The following RNF216 variants were observed in gnomAD, a reference collection of about 807,000 sequenced individuals.
RNF216 encodes the protein E3 ubiquitin-protein ligase RNF216.
Under a neutral mutation model 110.8 loss-of-function variants are expected in RNF216, and 72 were observed. The ratio of observed to expected loss-of-function variants is 0.65; its 90% CI spans 0.54 to 0.79. The LOEUF (loss-of-function observed/expected upper bound fraction) is 0.79, where lower values mean the gene tolerates loss of function less well. RNF216 is among the 30% of genes least tolerant of loss of function. The probability of loss-of-function intolerance (pLI) is 0.00; values close to 1 mark genes in which losing one functional copy is unlikely to be tolerated. For synonymous variants in RNF216, 495 were observed against 407.5 expected, an observed-to-expected ratio of 1.21 and a Z score of -2.59; for missense variants, 1,342 against 1,141.2, an observed-to-expected ratio of 1.18 and a Z score of -2.54.
rs115013101 is a variant in RNF216, at chr7:5,715,316, G to A, written c.1696-126C>T. On this transcript the variant is annotated intron_variant, in intron 10 of 16. Coordinates refer to ENST00000389902, the MANE Select transcript of RNF216 (RefSeq NM_207111.4). ...TGAGGTAAAGCAACCCATTTTAGGG[G>A]CCATAAAACAATGATATGCTGTTTC... 772 of 817,560 alleles carry A rather than the reference G, an allele frequency of 9.4e-4. 5 individuals are homozygous for A. The African/African-American group carries it at 0.012, about 12-fold the overall frequency. 50.6% of individuals were successfully genotyped at this position (817,560 alleles called of 1,614,324 possible).
intron 10 of RNF216, 38 bp from the exon 11 acceptor site, chr7:5,715,228 A>G: frequency 6.3e-7 from 1 of 1,591,348 alleles, no homozygotes; most frequent in Non-Finnish European, 8.6e-7. Context: ...AATGTCCTGC[A>G]CTTAAGGAGA....
chr7:5,698,384 T>TACACACACACACACACAC (rs376096873), intron 13 of RNF216, among the ~76,000 whole-genome samples: 18 of 145,396 alleles, frequency 1.2e-4, no homozygotes, highest in South Asian at 4.4e-4. Context: ...GATTCTTTTA[T>TACACACACACACACACAC]ACACACACAC....
At chr7:5,681,959 C>T (rs1790679166) in intron 13 of RNF216, among the ~76,000 whole-genome samples, 1 of 152,214 alleles carries the variant, frequency 6.6e-6, no homozygotes, top group South Asian at 2.1e-4. Context: ...GACCATCTCC[C>T]TGTGCCACAG....
chr7:5,774,643 T>C (rs984821857), intron 1 of RNF216, among the ~76,000 whole-genome samples: 4 of 152,166 alleles, frequency 2.6e-5, no homozygotes, highest in African/African-American at 9.7e-5. Context: ...ACTTTGTATA[T>C]GGTAAATACC....
chr7:5,771,744 C>A (rs1395466772), intron 1 of RNF216, among the ~76,000 whole-genome samples: 1 of 152,158 alleles, frequency 6.6e-6, no homozygotes, highest in Non-Finnish European at 1.5e-5. Context: ...TTGCAGTAGG[C>A]TGTGATCCCG....
In RNF216 at chr7:5,699,036, G is replaced by GT. The variant is rs921319713; in HGVS notation, c.2061+12724dup. On this transcript the variant is annotated intron_variant, in intron 13 of 16. Coordinates refer to ENST00000389902, the MANE Select transcript of RNF216 (RefSeq NM_207111.4). ...TGAAGACAGCTAGAGTTTTTGACTT[G>GT]TTTTTTTTAAAACTAACTTTTTATT... Among the ~76,000 whole-genome samples the GT allele has an allele frequency of 7.2e-4, 109 of 151,930 alleles. 1 individual carries two copies. Among genetic ancestry groups the GT allele is most frequent in the South Asian group, 4.6e-3 (22 of 4,810 alleles).
At chr7:5,712,565 T>C in intron 12 of RNF216, 150 bp downstream of exon 12, 1 of 730,596 alleles carries the variant, frequency 1.4e-6, no homozygotes, top group Non-Finnish European at 2.2e-6. Context: ...TAAAAATAAA[T>C]AAGTAAAATT....
At chr7:5,653,115 A>T (rs1416504664) in intron 13 of RNF216, among the ~76,000 whole-genome samples, 3 of 152,130 alleles carry the variant, frequency 2.0e-5, no homozygotes, top group African/African-American at 7.2e-5. Context: ...ACTTCAGTTC[A>T]CCAGGGGCTC....
At chr7:5,670,671 C>A (rs968042597) in intron 13 of RNF216, among the ~76,000 whole-genome samples, 7 of 152,098 alleles carry the variant, frequency 4.6e-5, no homozygotes, top group African/African-American at 1.7e-4. Flanking sequence ...CCTAAGGTGA[C>A]CTTTGGAAGC....
chr7:5,752,384 TATC>T (rs1210375385), intron 3 of RNF216, among the ~76,000 whole-genome samples: 3 of 152,172 alleles, frequency 2.0e-5, no homozygotes, highest in African/African-American at 7.2e-5. Flanking sequence ...GAAAGAGTAG[TATC>T]ATAAAAATTG....
chr7:5,698,267 G>A (rs986402891), intron 13 of RNF216, among the ~76,000 whole-genome samples: 3 of 152,106 alleles, frequency 2.0e-5, no homozygotes, highest in Non-Finnish European at 4.4e-5. Context: ...CAGTTGTACT[G>A]GAGCAAGGAG....
intron 1 of RNF216, among the ~76,000 whole-genome samples, chr7:5,766,627 A>C (rs1043462383): frequency 2.0e-5 from 3 of 152,236 alleles, no homozygotes; most frequent in African/African-American, 7.2e-5. Flanking sequence ...TCAGACTTCC[A>C]AATTCCAGAA....
At chr7:5,740,772 G>A (rs896108062) in intron 4 of RNF216, among the ~76,000 whole-genome samples, 1 of 152,090 alleles carries the variant, frequency 6.6e-6, no homozygotes, top group African/African-American at 2.4e-5. Flanking sequence ...AGAGCTTCCT[G>A]AAGGTTAAGT....
chr7:5,780,346 T>G (rs1372673842), intron 1 of RNF216: 1 of 152,080 alleles, frequency 6.6e-6, no homozygotes, highest in Non-Finnish European at 1.5e-5. Flanking sequence ...TCACAGTGCT[T>G]CTTCTGTAGG....
At chr7:5,658,102 G>C (rs908925571) in intron 13 of RNF216, among the ~76,000 whole-genome samples, 73 of 152,244 alleles carry the variant, frequency 4.8e-4, no homozygotes, top group African/African-American at 1.7e-3. Flanking sequence ...AGGTGAGTCA[G>C]ACAAGGATTC....
rs865822288 is a variant in RNF216 at position 5,628,703 on chromosome 7, T to G, written c.2383-4578A>C. Among the ~76,000 whole-genome samples, 42 of 135,478 alleles carry G rather than the reference T, an allele frequency of 3.1e-4. No individual in the cohort carries two copies. The Middle Eastern group carries it at 0.015, about 47-fold the overall frequency. 88.9% of individuals were successfully genotyped at this position (135,478 alleles called of 152,430 possible). On this transcript the variant is annotated intron_variant, in intron 15 of 16. Transcript: ENST00000389902. ...TATCTGACTTTTTTTTTTTTTTTTG[T>G]AGAAATGGGGTTTCACCATGTTGCT...
intron 16 of RNF216, among the ~76,000 whole-genome samples, chr7:5,623,626 G>A (rs1348630822): frequency 2.0e-5 from 3 of 152,016 alleles, no homozygotes; most frequent in African/African-American, 4.8e-5. Context: ...AACAGATGGG[G>A]TCTTGCTATT....
At chr7:5,645,211 G>A (rs2128570954) in intron 14 of RNF216, among the ~76,000 whole-genome samples, 1 of 152,046 alleles carries the variant, frequency 6.6e-6, no homozygotes, top group South Asian at 2.1e-4. Context: ...GTCGTGGTGT[G>A]GACTTCTTTG....
chr7:5,651,926 C>T (rs1788416411), intron 14 of RNF216, among the ~76,000 whole-genome samples: 2 of 152,142 alleles, frequency 1.3e-5, no homozygotes, highest in Admixed American at 6.5e-5. Context: ...GGATTACAGG[C>T]GTGAGCCACT....
Sources: gnomAD v4.1 joint callset for allele counts (sites outside exome capture counted in the v4.1 genomes callset) on GRCh38, gnomAD v4.1.1 for gene constraint, MANE v1.5 for transcripts, NCBI Gene and HGNC (gene_info 2026-07-23, HGNC 2026-07-21) for gene names.